PPP1R11: variants seen among roughly 807,000 people sequenced by gnomAD.
The protein encoded by PPP1R11 is E3 ubiquitin-protein ligase PPP1R11.
A neutral mutation model predicts 11.3 loss-of-function variants in PPP1R11; 10 were observed. That is an observed-to-expected ratio of 0.88 (90% CI 0.55 to 1.50). The LOEUF (loss-of-function observed/expected upper bound fraction) is 1.50, where lower values mean the gene tolerates loss of function less well. Among genes scored for constraint, PPP1R11 ranks in the 40% most tolerant of loss-of-function variants. The pLI, the probability that PPP1R11 is intolerant of heterozygous loss-of-function variation, is 0.00. For synonymous variants in PPP1R11, 56 were observed against 62.3 expected (o/e 0.90, Z 0.48); for missense variants, 114 against 179.1 (o/e 0.64, Z 2.07).
chr6:30,061,714 G>A (rs560865284), upstream of PPP1R11: 2 of 1,609,248 alleles, frequency 1.2e-6, no homozygotes, highest in Admixed American at 1.7e-5. This position sits in a 1 kb window ranked among gnomAD's most constrained non-coding sequence, Gnocchi z 5.0. Context: ...GCGCAGGGTC[G>A]GAAGCTTGGG....
chr6:30,062,318 C>T, upstream of PPP1R11: 1 of 1,611,084 alleles, frequency 6.2e-7, no homozygotes, highest in Non-Finnish European at 8.5e-7. Context: ...GTCTTCTACA[C>T]CTGTACCAAC....
chr6:30,069,233 T>C lies in PPP1R11; in HGVS notation c.308T>C (p.Leu103Pro). Residue 103 changes from leucine to proline, a missense_variant, in exon 3 of 3, where the codon CTA (leucine) becomes CCA (proline). Physicochemically the swap from Leu to Pro is moderately conservative, Grantham distance 98 (BLOSUM62 -3). Coordinates refer to ENST00000376772, the MANE Select transcript of PPP1R11 (RefSeq NM_021959.3). The surrounding 1 kb of genome is among the most constrained non-coding windows in gnomAD (Gnocchi z 6.6). ...GHRKGRRRAT[L>P]GPTPTTPPQP... Reference sequence around the variant, plus strand: ...CGCAAAGGACGGCGTCGTGCAACCCTAGGACCGACCCCCACCACCCCTCCC... The same window carrying C: ...CGCAAAGGACGGCGTCGTGCAACCCCAGGACCGACCCCCACCACCCCTCCC... 1 of 1,612,748 alleles carries C rather than the reference T, an allele frequency of 6.2e-7. No individual in the cohort carries two copies. Among genetic ancestry groups the C allele is most frequent in the South Asian group, 1.1e-5 (1 of 91,074 alleles).
In PPP1R11 at chr6:30,068,689, T is replaced by G. The variant is rs1050448281; in HGVS notation, c.169T>G (p.Ser57Ala). The stretch of plus-strand genomic sequence containing the variant: ...GGACAATGAACACATGGGCCGCCGC[T>G]CATCCAAATGTGAGTAATTGTTGGC... ...TVDNEHMGRR[S>A]SKCCCIYEKP... The change falls in exon 2 of 3, where the codon TCA (serine) becomes GCA (alanine). Residue 57 changes from serine to alanine, a missense_variant. Coordinates refer to ENST00000376772, the MANE Select transcript of PPP1R11 (RefSeq NM_021959.3). 1 of 1,612,390 alleles carries G rather than the reference T, an allele frequency of 6.2e-7. No homozygotes were observed. Among genetic ancestry groups the G allele is most frequent in the African/African-American group, 1.3e-5 (1 of 75,022 alleles).
upstream of PPP1R11, among the ~76,000 whole-genome samples, chr6:30,064,063 A>G (rs1387538715): frequency 3.9e-5 from 6 of 152,066 alleles, no homozygotes; most frequent in Non-Finnish European, 7.4e-5. Context: ...CTCATTTCCT[A>G]TGCTTCCAGT....
Position 30,067,246 on chromosome 6 carries a change from C to G in PPP1R11, c.-165C>G. The G allele has an allele frequency of 1.4e-6, 1 of 691,512 alleles. No homozygotes were observed. Among genetic ancestry groups the G allele is most frequent in the Non-Finnish European group, 2.4e-6 (1 of 410,382 alleles). The allele number at this position is 691,512 out of a possible 1,614,324, so 42.8% of individuals were successfully genotyped here. On this transcript the variant is annotated 5_prime_UTR_variant, in exon 1 of 3. Transcript: ENST00000376772. ...GGAAGTGGGGTTAGCCAGGTTATCC[C>G]CAGGGGTGGAGAAGCGGAGGCCCAG...
chr6:30,061,830 T>C, upstream of PPP1R11: 2 of 1,561,452 alleles, frequency 1.3e-6, no homozygotes, highest in South Asian at 1.1e-5. This position sits in a 1 kb window ranked among gnomAD's most constrained non-coding sequence, Gnocchi z 5.0. Context: ...TAGGGCCTCC[T>C]GGCCTAACCA....
intron 1 of PPP1R11, 98 bp downstream of exon 1, chr6:30,067,577 G>A (rs1047164863): frequency 7.1e-7 from 1 of 1,412,740 alleles, no homozygotes; most frequent in Non-Finnish European, 1.0e-6. Context: ...CTAGGCCTAG[G>A]GATATGGGAG....
chr6:30,062,207 C>T, upstream of PPP1R11: 1 of 1,603,798 alleles, frequency 6.2e-7, no homozygotes, highest in Non-Finnish European at 8.5e-7. Flanking sequence ...CTCCCTAACC[C>T]ACCAGTTTCT....
Position 30,069,764 on chromosome 6 carries a change from A to C in PPP1R11, c.*458A>C. ...TATCCCACTAAAATATTTAATCCTA[A>C]TTCTTAGTCCTTGCCTGTGAGATAT... On this transcript the variant is annotated 3_prime_UTR_variant, in exon 3 of 3. Transcript: ENST00000376772. This position sits in a 1 kb window ranked among gnomAD's most constrained non-coding sequence, Gnocchi z 6.6. 1 of 161,818 alleles carries C rather than the reference A, an allele frequency of 6.2e-6. No individual in the cohort carries two copies. The highest frequency in any genetic ancestry group is 1.3e-5 in the Non-Finnish European group (1 of 74,636). 10.0% of individuals were successfully genotyped at this position (161,818 alleles called of 1,614,324 possible).
At chr6:30,062,453 C>CT (rs1367739676), upstream of PPP1R11, 2 of 638,742 alleles carry the variant, frequency 3.1e-6, no homozygotes, top group Non-Finnish European at 5.6e-6. Flanking sequence ...CTGTGCAGTT[C>CT]TGGTAATAGG....
chr6:30,068,957 G>A, intron 2 of PPP1R11, 147 bp from the exon 3 acceptor site: 1 of 834,320 alleles, frequency 1.2e-6, no homozygotes, highest in Non-Finnish European at 1.9e-6. Flanking sequence ...GAGGGGTGGG[G>A]CCTGAGTCCC....
At chr6:30,066,200 C>G (rs542439223), upstream of PPP1R11, among the ~76,000 whole-genome samples, 15 of 152,174 alleles carry the variant, frequency 9.9e-5, no homozygotes, top group Non-Finnish European at 2.2e-4. Flanking sequence ...AGCTTAATTT[C>G]TTAGCAAAGC....
chr6:30,067,667 A>G, intron 1 of PPP1R11, 188 bp downstream of exon 1: 1 of 673,466 alleles, frequency 1.5e-6, no homozygotes, highest in Admixed American at 2.8e-5. Context: ...TGCAGGAGGC[A>G]GGTCAAGGAA....
At chr6:30,067,648 C>A in intron 1 of PPP1R11, 169 bp downstream of exon 1, 4 of 811,192 alleles carry the variant, frequency 4.9e-6, no homozygotes, top group Non-Finnish European at 7.8e-6. Flanking sequence ...TTTGGAGTGG[C>A]AGAGATGGTG....
At chr6:30,061,491 A>T in the PPP1R11 span, 1 of 1,609,600 alleles carries the variant, frequency 6.2e-7, no homozygotes, top group Non-Finnish European at 8.5e-7. This position sits in a 1 kb window ranked among gnomAD's most constrained non-coding sequence, Gnocchi z 5.0. Context: ...TCTTTTGTTA[A>T]TAAACTTCCA....
chr6:30,065,808 G>T (rs1312444468), upstream of PPP1R11, among the ~76,000 whole-genome samples: 1 of 151,880 alleles, frequency 6.6e-6, no homozygotes, highest in South Asian at 2.1e-4. This position sits in a 1 kb window ranked among gnomAD's most constrained non-coding sequence, Gnocchi z 5.3. Flanking sequence ...TATGTGTGTT[G>T]CTATATATGT....
At position 30,069,331 on chromosome 6, in the gene PPP1R11, G is replaced by C; in HGVS notation, c.*25G>C. 1 of 1,532,464 alleles carries C rather than the reference G, an allele frequency of 6.5e-7. No homozygotes were observed. The highest frequency in any genetic ancestry group is 8.9e-7 in the Non-Finnish European group (1 of 1,127,074). The allele number at this position is 1,532,464 out of a possible 1,614,324, so 94.9% of individuals were successfully genotyped here. ...AATCCCTCTCTCCTCCAGCATTCCTGTGTCTGTCTGGCCCTAAATGTATCC... is the reference window on the plus strand; with the variant it reads ...AATCCCTCTCTCCTCCAGCATTCCTCTGTCTGTCTGGCCCTAAATGTATCC... On this transcript the variant is annotated 3_prime_UTR_variant, in exon 3 of 3. Coordinates refer to ENST00000376772, the MANE Select transcript of PPP1R11 (RefSeq NM_021959.3). The surrounding 1 kb of genome is among the most constrained non-coding windows in gnomAD (Gnocchi z 6.6).
chr6:30,067,275 G>A lies in PPP1R11; in HGVS notation c.-136G>A, dbSNP rs1765608971. 1 of 891,444 alleles carries A rather than the reference G, an allele frequency of 1.1e-6. No individual in the cohort carries two copies. Among genetic ancestry groups the A allele is most frequent in the Non-Finnish European group, 1.7e-6 (1 of 577,516 alleles). The allele number at this position is 891,444 out of a possible 1,614,324, so 55.2% of individuals were successfully genotyped here. ...GGGTGGAGAAGCGGAGGCCCAGGAG[G>A]AGGGGGAATAAAGAAGGTGGAGGAT... On this transcript the variant is annotated 5_prime_UTR_variant, in exon 1 of 3. Transcript: ENST00000376772.
At chr6:30,064,635 C>G, upstream of PPP1R11, 1 of 1,592,156 alleles carries the variant, frequency 6.3e-7, no homozygotes, top group Non-Finnish European at 8.5e-7. Flanking sequence ...AGAAACTCAT[C>G]TTTTGGTGAA....
Sources: gnomAD v4.1 joint callset for allele counts (sites outside exome capture counted in the v4.1 genomes callset) on GRCh38, gnomAD v4.1.1 for gene constraint, Gnocchi (gnomAD v3.1) non-coding constraint, MANE v1.5 for transcripts, NCBI Gene and HGNC (gene_info 2026-07-23, HGNC 2026-07-21) for gene names.